The following MASP1 variants were observed in gnomAD, a reference collection of about 807,000 sequenced individuals.
MASP1 encodes the protein mannan-binding lectin serine protease 1.
In MASP1, 59 loss-of-function variants were observed where a neutral mutation model predicts 77.1. The ratio of observed to expected loss-of-function variants is 0.77; its 90% CI spans 0.62 to 0.95. The LOEUF is 0.95. Among genes scored for constraint, MASP1 ranks in the 40% least tolerant of loss-of-function variants. The probability of loss-of-function intolerance (pLI) is 0.00; values close to 1 mark genes in which losing one functional copy is unlikely to be tolerated. For missense variants in MASP1, 885 were observed against 912.9 expected (o/e 0.97, Z 0.39); for synonymous variants, 362 against 354.5 (o/e 1.02, Z -0.24).
chr3:187,235,683 C>T lies in MASP1; in HGVS notation c.*1G>A. The T allele has an allele frequency of 6.2e-7, 1 of 1,614,102 alleles. No homozygotes were observed. Among genetic ancestry groups the T allele is most frequent in the Non-Finnish European group, 8.5e-7 (1 of 1,180,028 alleles). On this transcript the variant is annotated 3_prime_UTR_variant, in exon 11 of 11. Coordinates refer to ENST00000296280, the MANE Select transcript of MASP1 (RefSeq NM_139125.4). ...GGCAGGCCCCGAGGAAGTAAGTCAGCTCACCGTTCCACCTGGGGCTCCACA... is the reference window on the plus strand; with the variant it reads ...GGCAGGCCCCGAGGAAGTAAGTCAGTTCACCGTTCCACCTGGGGCTCCACA...
chr3:187,262,962 C>T (rs955989390), intron 2 of MASP1: 2 of 499,554 alleles, frequency 4.0e-6, no homozygotes, highest in Admixed American at 3.6e-5. Context: ...TTTGTTGTTG[C>T]TGTCAATAAC....
downstream of MASP1, among the ~76,000 whole-genome samples, chr3:187,233,449 C>T (rs909656412): frequency 2.6e-5 from 4 of 152,184 alleles, no homozygotes; most frequent in Non-Finnish European, 4.4e-5. Flanking sequence ...AAAGCTATTC[C>T]AAGCCCCTCC....
chr3:187,218,585 C>CT (rs1711871910), exon 16 of MASP1: 2 of 147,578 alleles, frequency 1.4e-5, no homozygotes, highest in Non-Finnish European at 1.5e-5. Flanking sequence ...CAGCCTGGGG[C>CT]TTAATATATA....
chr3:187,262,816 G>T, intron 2 of MASP1, 96 bp from the exon 3 acceptor site: 3 of 1,115,838 alleles, frequency 2.7e-6, no homozygotes, highest in Non-Finnish European at 4.0e-6. Flanking sequence ...CCACCCAAGA[G>T]TAGGCTAGTC....
At chr3:187,261,996 T>C (rs1041967144) in intron 3 of MASP1, among the ~76,000 whole-genome samples, 1 of 152,212 alleles carries the variant, frequency 6.6e-6, no homozygotes, top group Non-Finnish European at 1.5e-5. Context: ...TATGTTTTCA[T>C]TTAAATGAAG....
At chr3:187,291,523 T>C in intron 1 of MASP1, 105 bp downstream of exon 1, 1 of 1,465,900 alleles carries the variant, frequency 6.8e-7, no homozygotes, top group South Asian at 1.1e-5. Flanking sequence ...CACTACCACA[T>C]GCAGGACACG....
exon 16 of MASP1, chr3:187,217,642 G>A (rs1179051166): frequency 6.6e-6 from 1 of 152,240 alleles, no homozygotes; most frequent in Admixed American, 6.5e-5. Flanking sequence ...AGACAAGGTT[G>A]TTGTCCTCAC....
chr3:187,272,662 T>C (rs1579564808), intron 2 of MASP1, among the ~76,000 whole-genome samples: 1 of 151,474 alleles, frequency 6.6e-6, no homozygotes, highest in Non-Finnish European at 1.5e-5. Flanking sequence ...AGCCAAGGAG[T>C]GCCAAAGACG....
chr3:187,265,995 T>G (rs1715988479), intron 2 of MASP1, among the ~76,000 whole-genome samples: 1 of 152,202 alleles, frequency 6.6e-6, no homozygotes, highest in African/African-American at 2.4e-5. Context: ...CATTTACCTC[T>G]GAGTATAGGC....
intron 8 of MASP1, among the ~76,000 whole-genome samples, chr3:187,249,148 C>T (rs1279988414): frequency 6.6e-6 from 1 of 152,234 alleles, no homozygotes; most frequent in Non-Finnish European, 1.5e-5. Context: ...ATCTCCGCCT[C>T]CTGGGTTCCA....
chr3:187,262,814 G>T, intron 2 of MASP1, 94 bp from the exon 3 acceptor site: 2 of 1,119,784 alleles, frequency 1.8e-6, no homozygotes, highest in South Asian at 1.3e-5. Flanking sequence ...GGCCACCCAA[G>T]AGTAGGCTAG....
At chr3:187,283,864 G>A (rs149725824) in intron 2 of MASP1, among the ~76,000 whole-genome samples, 170 of 152,204 alleles carry the variant, frequency 1.1e-3, no homozygotes, top group African/African-American at 4.0e-3. Context: ...GGAATGGGCC[G>A]GGAGATTCCA....
intron 2 of MASP1, among the ~76,000 whole-genome samples, chr3:187,265,135 A>G (rs1323333170): frequency 6.6e-6 from 1 of 152,148 alleles, no homozygotes; most frequent in Non-Finnish European, 1.5e-5. Flanking sequence ...TAAACCAACC[A>G]GAAGATGGTA....
rs371601480 is a variant in MASP1, at chr3:187,291,616, C to G, written c.5+12G>C. The G allele has an allele frequency of 8.1e-6, 13 of 1,614,072 alleles. 1 individual carries two copies. The Admixed American group carries it at 1.0e-4, about 12-fold the overall frequency. On this transcript the variant is annotated intron_variant, in intron 1 of 10. Transcript: ENST00000296280. ...AAAAGGGAACCGTGCCCTCTCCTCC[C>G]CTGGCACGTACCTCATTTTCCTGCC...
chr3:187,282,510 A>AAG (rs57367606), intron 2 of MASP1, among the ~76,000 whole-genome samples: 67,228 of 130,386 alleles, frequency 0.52, 19,053 homozygotes, highest in East Asian at 0.7. Context: ...AAAAAAAAAA[A>AAG]AAGAAGAAGA....
intron 9 of MASP1, 112 bp from the exon 10 acceptor site, chr3:187,241,667 C>A: frequency 1.3e-6 from 1 of 758,742 alleles, no homozygotes; most frequent in Non-Finnish European, 2.4e-6. Context: ...CAAAGTCCTC[C>A]AAATGGTCAT....
intron 12 of MASP1, among the ~76,000 whole-genome samples, chr3:187,225,870 C>A (rs529712108): frequency 1.4e-4 from 21 of 152,228 alleles, no homozygotes; most frequent in African/African-American, 5.1e-4. Flanking sequence ...ACTCCCATGG[C>A]ATTTTATCTG....
At chr3:187,284,721 C>T (rs1406848945) in intron 2 of MASP1, among the ~76,000 whole-genome samples, 1 of 152,158 alleles carries the variant, frequency 6.6e-6, no homozygotes, top group East Asian at 1.9e-4. Context: ...GGTTTGAGAC[C>T]TTAATCCATC....
At chr3:187,223,166 C>A in exon 14 of MASP1, 1 of 1,613,338 alleles carries the variant, frequency 6.2e-7, no homozygotes, top group Non-Finnish European at 8.5e-7. Flanking sequence ...AGAACTGCTT[C>A]CCCCAGCCGC....
Sources: gnomAD v4.1 joint callset for allele counts (sites outside exome capture counted in the v4.1 genomes callset) on GRCh38, gnomAD v4.1.1 for gene constraint, MANE v1.5 for transcripts, NCBI Gene and HGNC (gene_info 2026-07-23, HGNC 2026-07-21) for gene names.